Variants in IL1RAPL1 observed in about 807,000 individuals in gnomAD.
IL1RAPL1 encodes the protein interleukin-1 receptor accessory protein-like 1.
In IL1RAPL1, 3 loss-of-function variants were observed where a neutral mutation model predicts 48.4. That is an observed-to-expected ratio of 0.06 (90% CI 0.03 to 0.16). The LOEUF (loss-of-function observed/expected upper bound fraction) is 0.16. Among genes scored for constraint, IL1RAPL1 ranks in the 10% least tolerant of loss-of-function variants. The pLI is 1.00. For synonymous variants in IL1RAPL1, 185 were observed against 187.7 expected, an observed-to-expected ratio of 0.99 and a Z score of 0.12; for missense variants, 349 against 530.6, an observed-to-expected ratio of 0.66 and a Z score of 3.36.
intron 3 of IL1RAPL1, among the ~76,000 whole-genome samples, chrX:29,382,708 T>C (rs1933728052): frequency 9.0e-6 from 1 of 111,711 alleles, no homozygotes; most frequent in African/African-American, 3.3e-5. Flanking sequence ...TTTATTTATT[T>C]ATTTCTGTAC....
chrX:28,810,304 T>G (rs1936779299), intron 2 of IL1RAPL1, among the ~76,000 whole-genome samples: 1 of 110,532 alleles, frequency 9.0e-6, no homozygotes, highest in African/African-American at 3.3e-5. Context: ...AACCCTAGGA[T>G]ACTTCAACAT....
intron 1 of IL1RAPL1, among the ~76,000 whole-genome samples, chrX:28,666,738 C>G (rs1934883833): frequency 8.9e-6 from 1 of 111,847 alleles, no homozygotes; most frequent in South Asian, 3.7e-4. Flanking sequence ...AGCTTTCTAT[C>G]AAGTAGATGA....
intron 3 of IL1RAPL1, among the ~76,000 whole-genome samples, chrX:29,305,688 G>T (rs1377158328): frequency 2.7e-5 from 3 of 111,737 alleles, no homozygotes; most frequent in African/African-American, 9.8e-5. Context: ...AGCACCACCT[G>T]AGATAGCTGT....
chrX:28,949,170 A>G lies in IL1RAPL1; in HGVS notation c.82+159745A>G, dbSNP rs981580811. 4.5e-5 allele frequency among the ~76,000 whole-genome samples: 5 copies of G among 111,443 alleles called. No homozygotes were observed. In the Admixed American group the frequency reaches 4.8e-4, roughly 11 times the overall value. ...GACAGTCTCCAAAATGTTCTTTTAAAAAAATCCACTTTATTTCAGCTATAT... is the reference window on the plus strand; with the variant it reads ...GACAGTCTCCAAAATGTTCTTTTAAGAAAATCCACTTTATTTCAGCTATAT... On this transcript the variant is annotated intron_variant, in intron 2 of 10. Transcript: ENST00000378993.
chrX:29,386,033 T>A (rs748235635), intron 3 of IL1RAPL1, among the ~76,000 whole-genome samples: 20 of 112,263 alleles, frequency 1.8e-4, no homozygotes, highest in African/African-American at 4.9e-4. Flanking sequence ...AAATTTTTTT[T>A]AATTATTGTC....
intron 3 of IL1RAPL1, among the ~76,000 whole-genome samples, chrX:29,372,702 C>G (rs1354415553): frequency 1.9e-5 from 2 of 107,802 alleles, no homozygotes; most frequent in Non-Finnish European, 3.8e-5. Flanking sequence ...TTAGCCCCAT[C>G]AAAGATCAGA....
chrX:29,601,304 TTTAGATAATCC>T (rs748306547), intron 5 of IL1RAPL1, among the ~76,000 whole-genome samples: 1 of 112,483 alleles, frequency 8.9e-6, no homozygotes, highest in South Asian at 3.7e-4. Flanking sequence ...TTCCAAGTTG[TTTAGATAATCC>T]TTAGATTGAT....
chrX:28,659,169 C>G, intron 1 of IL1RAPL1: 1 of 667,448 alleles, frequency 1.5e-6, no homozygotes, highest in Non-Finnish European at 2.4e-6. Context: ...AAAAGGCCAA[C>G]CAGCTAGGCC....
intron 2 of IL1RAPL1, among the ~76,000 whole-genome samples, chrX:29,268,291 G>T (rs1313101008): frequency 8.9e-6 from 1 of 112,237 alleles, no homozygotes; most frequent in African/African-American, 3.2e-5. Flanking sequence ...TGATTATTCA[G>T]TATTTTCCAA....
intron 3 of IL1RAPL1, among the ~76,000 whole-genome samples, chrX:29,345,449 A>G (rs367908662): frequency 1.1e-4 from 12 of 111,785 alleles, no homozygotes; most frequent in Non-Finnish European, 1.9e-4. Flanking sequence ...TGAAATGCCC[A>G]TTGATAACAT....
intron 6 of IL1RAPL1, among the ~76,000 whole-genome samples, chrX:29,867,903 A>T (rs2147207632): frequency 8.9e-6 from 1 of 112,198 alleles, no homozygotes; most frequent in African/African-American, 3.2e-5. Flanking sequence ...GAGATTTTAT[A>T]ATTTAGTTGC....
At chrX:29,549,271 C>A (rs1362718475) in intron 5 of IL1RAPL1, among the ~76,000 whole-genome samples, 4 of 111,317 alleles carry the variant, frequency 3.6e-5, no homozygotes, top group Non-Finnish European at 7.5e-5. Flanking sequence ...GGACATAAAT[C>A]ATCTCTCTGT....
chrX:28,721,466 T>G (rs780616936), intron 1 of IL1RAPL1, among the ~76,000 whole-genome samples: 1,469 of 111,859 alleles, frequency 0.013, 26 homozygotes, highest in African/African-American at 0.046. Flanking sequence ...GTAAATTTGT[T>G]TGAGTTCTTT....
intron 5 of IL1RAPL1, among the ~76,000 whole-genome samples, chrX:29,654,533 A>G (rs2147093362): frequency 9.0e-6 from 1 of 111,194 alleles, no homozygotes; most frequent in South Asian, 3.8e-4. Context: ...GTGTAGAGGA[A>G]CTCCCATTTA....
chrX:29,850,871 G>A (rs1011698559), intron 6 of IL1RAPL1, among the ~76,000 whole-genome samples: 2 of 111,701 alleles, frequency 1.8e-5, no homozygotes, highest in East Asian at 2.8e-4. Context: ...CTCGAACTTC[G>A]AGCCTTCCAA....
At chrX:28,771,003 A>C (rs956566343) in intron 1 of IL1RAPL1, among the ~76,000 whole-genome samples, 1 of 112,111 alleles carries the variant, frequency 8.9e-6, no homozygotes, top group Non-Finnish European at 1.9e-5. Context: ...AGTATTTTAC[A>C]TCACAGAGTA....
chrX:29,221,952 G>A (rs1234386373), intron 2 of IL1RAPL1, among the ~76,000 whole-genome samples: 1 of 103,576 alleles, frequency 9.7e-6, no homozygotes, highest in Non-Finnish European at 2.0e-5. Context: ...GGAGGTTGCA[G>A]TGAGCCAAGA....
At chrX:28,969,882 A>AAC (rs767286227) in intron 2 of IL1RAPL1, among the ~76,000 whole-genome samples, 1,158 of 91,779 alleles carry the variant, frequency 0.013, 145 homozygotes, top group African/African-American at 0.039. Flanking sequence ...TATGTTTCTA[A>AAC]ACACATATAT....
rs186531229 is a variant in IL1RAPL1, at chrX:28,994,345, A to G, written c.82+204920A>G. On this transcript the variant is annotated intron_variant, in intron 2 of 10. Coordinates refer to ENST00000378993, the MANE Select transcript of IL1RAPL1 (RefSeq NM_014271.4). ...AATAGGCAGATATAGGAAGCTTTGT[A>G]TGCTTATTTCAAAGACGACCCTGTG... Among the ~76,000 whole-genome samples, 447 of 111,810 alleles carry G rather than the reference A, an allele frequency of 4.0e-3. 3 individuals carry two copies. The highest frequency in any genetic ancestry group is 0.014 in the African/African-American group (428 of 30,817).
Sources: gnomAD v4.1 joint callset for allele counts (sites outside exome capture counted in the v4.1 genomes callset) on GRCh38, gnomAD v4.1.1 for gene constraint, MANE v1.5 for transcripts, NCBI Gene and HGNC (gene_info 2026-07-23, HGNC 2026-07-21) for gene names.